The following HS3ST4 variants were observed in gnomAD, a reference collection of about 807,000 sequenced individuals.
The protein encoded by HS3ST4 is heparan sulfate-glucosamine 3-sulfotransferase 4, also known as heparan sulfate glucosamine 3-O-sulfotransferase 4.
A neutral mutation model predicts 29.2 loss-of-function variants in HS3ST4; 17 were observed. That is an observed-to-expected ratio of 0.58 (90% CI 0.40 to 0.87). HS3ST4 has a LOEUF of 0.87. Ranked by LOEUF, HS3ST4 falls within the 40% of genes least tolerant of loss-of-function variation. The pLI is 0.00. For synonymous variants in HS3ST4, 314 were observed against 285.7 expected (o/e 1.10, Z -1.00); for missense variants, 627 against 634.5 (o/e 0.99, Z 0.13).
intron 1 of HS3ST4, among the ~76,000 whole-genome samples, chr16:25,751,998 T>C (rs202224754): frequency 3.8e-5 from 3 of 78,696 alleles, no homozygotes; most frequent in Non-Finnish European, 7.3e-5. Flanking sequence ...TCCATTTCCC[T>C]TTTTTTTTTT....
chr16:25,935,573 TG>T (rs1476089228), intron 1 of HS3ST4, among the ~76,000 whole-genome samples: 1 of 152,186 alleles, frequency 6.6e-6, no homozygotes, highest in Admixed American at 6.5e-5. Context: ...ATATAGTATG[TG>T]GGCATTTTCA....
chr16:25,992,718 G>A lies in HS3ST4; in HGVS notation c.735-142894G>A, dbSNP rs186674038. Among the ~76,000 whole-genome samples, 58 of 152,334 alleles carry A rather than the reference G, an allele frequency of 3.8e-4. 1 individual carries two copies. The East Asian group carries it at 0.01, about 27-fold the overall frequency. On this transcript the variant is annotated intron_variant, in intron 1 of 1. Coordinates refer to ENST00000331351, the MANE Select transcript of HS3ST4 (RefSeq NM_006040.3). ...CCTTGGCGAAACTTTGAGGCTAAGGGTGAAAAGCATTGTTGGCTTTCTCCA... is the reference window on the plus strand; with the variant it reads ...CCTTGGCGAAACTTTGAGGCTAAGGATGAAAAGCATTGTTGGCTTTCTCCA...
intron 1 of HS3ST4, among the ~76,000 whole-genome samples, chr16:25,771,171 G>C (rs1966841542): frequency 6.6e-6 from 1 of 152,072 alleles, no homozygotes; most frequent in Non-Finnish European, 1.5e-5. Context: ...TCCAGTATGT[G>C]ATGTTCCCCT....
intron 1 of HS3ST4, among the ~76,000 whole-genome samples, chr16:25,806,362 G>C (rs1375585322): frequency 6.6e-6 from 1 of 151,934 alleles, no homozygotes; most frequent in Admixed American, 6.6e-5. Flanking sequence ...CAGGACATTA[G>C]TCCAATCCTC....
chr16:26,032,143 G>T (rs1213689930), intron 1 of HS3ST4, among the ~76,000 whole-genome samples: 2 of 152,230 alleles, frequency 1.3e-5, no homozygotes, highest in Non-Finnish European at 2.9e-5. Flanking sequence ...CCCAACAGAT[G>T]TCTGGGCTTA....
intron 1 of HS3ST4, among the ~76,000 whole-genome samples, chr16:26,046,447 G>A (rs538420798): frequency 1.1e-4 from 17 of 152,160 alleles, no homozygotes; most frequent in Admixed American, 8.5e-4. Flanking sequence ...CACGGTACCC[G>A]GCCCAGGAAA....
At chr16:26,004,547 T>C (rs940918754) in intron 1 of HS3ST4, among the ~76,000 whole-genome samples, 1 of 152,184 alleles carries the variant, frequency 6.6e-6, no homozygotes, top group Non-Finnish European at 1.5e-5. Context: ...GCTATGGACG[T>C]TTCTAGAAGC....
At chr16:25,886,591 C>T (rs558805338) in intron 1 of HS3ST4, among the ~76,000 whole-genome samples, 1 of 152,286 alleles carries the variant, frequency 6.6e-6, no homozygotes, top group East Asian at 1.9e-4. Flanking sequence ...AGTTCTGCAA[C>T]ACATGAGCTT....
chr16:25,931,228 C>T (rs1175196023), intron 1 of HS3ST4, among the ~76,000 whole-genome samples: 2 of 152,218 alleles, frequency 1.3e-5, no homozygotes, highest in Admixed American at 6.5e-5. Flanking sequence ...CGTGTGACCC[C>T]TCCAAGCTGG....
chr16:25,905,872 C>T (rs545917402), intron 1 of HS3ST4, among the ~76,000 whole-genome samples: 5 of 152,138 alleles, frequency 3.3e-5, no homozygotes, highest in African/African-American at 9.7e-5. Flanking sequence ...TGTATCTTTG[C>T]GCATCAGGGC....
intron 1 of HS3ST4, among the ~76,000 whole-genome samples, chr16:25,878,039 G>A (rs1256503508): frequency 6.6e-6 from 1 of 152,098 alleles, no homozygotes; most frequent in Non-Finnish European, 1.5e-5. Flanking sequence ...GAGCTTATAG[G>A]TTGTGGTTAA....
intron 1 of HS3ST4, among the ~76,000 whole-genome samples, chr16:25,942,238 T>C (rs1046708952): frequency 3.0e-4 from 45 of 152,106 alleles, no homozygotes; most frequent in Non-Finnish European, 5.9e-4. Context: ...CAAGAGATGA[T>C]GGGATATCCA....
intron 1 of HS3ST4, among the ~76,000 whole-genome samples, chr16:25,888,593 G>A (rs188919937): frequency 4.1e-4 from 62 of 152,346 alleles, no homozygotes; most frequent in African/African-American, 1.5e-3. Flanking sequence ...GCAGGGTGCT[G>A]CTCTGCTCTG....
chr16:25,848,303 T>C (rs963393017), intron 1 of HS3ST4, among the ~76,000 whole-genome samples: 2 of 152,064 alleles, frequency 1.3e-5, no homozygotes, highest in African/African-American at 2.4e-5. Flanking sequence ...CACGTCCGGC[T>C]AATTTTTTGT....
At chr16:25,931,268 C>T (rs1410349956) in intron 1 of HS3ST4, among the ~76,000 whole-genome samples, 1 of 152,180 alleles carries the variant, frequency 6.6e-6, no homozygotes, top group African/African-American at 2.4e-5. Flanking sequence ...AGGAGCAGCC[C>T]AGCCCTGCTG....
At chr16:26,022,808 G>A (rs182177041) in intron 1 of HS3ST4, among the ~76,000 whole-genome samples, 32 of 151,986 alleles carry the variant, frequency 2.1e-4, no homozygotes, top group East Asian at 1.4e-3. Flanking sequence ...GGCCTACAGC[G>A]CTTTTTATTC....
intron 1 of HS3ST4, among the ~76,000 whole-genome samples, chr16:25,842,647 T>A (rs1967427167): frequency 6.6e-6 from 1 of 152,214 alleles, no homozygotes; most frequent in Non-Finnish European, 1.5e-5. Flanking sequence ...TTAGGAAGTA[T>A]GGGTCCACCA....
intron 1 of HS3ST4, among the ~76,000 whole-genome samples, chr16:25,707,592 G>A (rs1966384418): frequency 6.6e-6 from 1 of 152,178 alleles, no homozygotes; most frequent in African/African-American, 2.4e-5. Context: ...CACTGTTGCT[G>A]GCTTTGGCAA....
intron 1 of HS3ST4, among the ~76,000 whole-genome samples, chr16:25,765,509 A>G (rs1378799496): frequency 6.6e-6 from 1 of 152,146 alleles, no homozygotes; most frequent in Non-Finnish European, 1.5e-5. Context: ...CTACCATTGC[A>G]TTGGTCAGAG....
Sources: allele counts gnomAD v4.1 joint callset (sites outside exome capture counted in the v4.1 genomes callset), GRCh38; gene constraint gnomAD v4.1.1; transcripts MANE v1.5; gene names NCBI Gene and HGNC (gene_info 2026-07-23, HGNC 2026-07-21).